The following PCDH15 variants were observed in gnomAD, a reference collection of about 807,000 sequenced individuals.
PCDH15 encodes protocadherin related 15.
Under a neutral mutation model 178.5 loss-of-function variants are expected in PCDH15, and 129 were observed. That is an observed-to-expected ratio of 0.72 (90% confidence interval 0.63 to 0.84). PCDH15 has a LOEUF of 0.84. Ranked by LOEUF, PCDH15 falls within the 40% of genes least tolerant of loss-of-function variation. The probability of loss-of-function intolerance (pLI) is 0.00; values close to 1 mark genes in which losing one functional copy is unlikely to be tolerated. For missense variants in PCDH15, 2,230 were observed against 2,099.9 expected (o/e 1.06, Z -1.21); for synonymous variants, 800 against 732.0 (o/e 1.09, Z -1.50).
At chr10:54,370,164 C>T (rs768394642) in intron 4 of PCDH15, among the ~76,000 whole-genome samples, 6 of 151,922 alleles carry the variant, frequency 3.9e-5, no homozygotes, top group Non-Finnish European at 5.9e-5. Flanking sequence ...CTGGAATGCA[C>T]ACCTACAAAT....
intron 2 of PCDH15, among the ~76,000 whole-genome samples, chr10:54,948,156 C>G (rs1458240955): frequency 6.6e-6 from 1 of 151,840 alleles, no homozygotes; most frequent in Non-Finnish European, 1.5e-5. Context: ...GTAGCATATG[C>G]AAGTTGATTT....
At chr10:54,359,212 T>C (rs575104149) in intron 5 of PCDH15, among the ~76,000 whole-genome samples, 1 of 152,106 alleles carries the variant, frequency 6.6e-6, no homozygotes, top group East Asian at 1.9e-4. Flanking sequence ...TTTGGTTCTC[T>C]ATATATGTAC....
chr10:55,435,549 C>A (rs1296554113), intron 2 of PCDH15, among the ~76,000 whole-genome samples: 10 of 152,046 alleles, frequency 6.6e-5, no homozygotes, highest in Admixed American at 6.6e-4. Context: ...CCACAAAACA[C>A]AGATCAGGGA....
At chr10:53,891,860 T>G (rs1294300307) in intron 26 of PCDH15, among the ~76,000 whole-genome samples, 2 of 151,750 alleles carry the variant, frequency 1.3e-5, no homozygotes, top group South Asian at 2.1e-4. Flanking sequence ...TCCCAGCTAC[T>G]TGGGATGCTG....
chr10:54,254,796 T>C (rs1218056312), intron 8 of PCDH15, among the ~76,000 whole-genome samples: 3 of 152,224 alleles, frequency 2.0e-5, no homozygotes, highest in Non-Finnish European at 4.4e-5. Flanking sequence ...TGCTGATGCC[T>C]GTAAGGCACT....
chr10:54,686,893 T>C (rs1408586267), intron 1 of PCDH15, among the ~76,000 whole-genome samples: 2 of 152,014 alleles, frequency 1.3e-5, no homozygotes. Flanking sequence ...AAAGGTTTGA[T>C]CTCCAAAATA....
intron 3 of PCDH15, among the ~76,000 whole-genome samples, chr10:54,456,585 G>A (rs919319690): frequency 1.3e-5 from 2 of 152,132 alleles, no homozygotes; most frequent in Non-Finnish European, 2.9e-5. Flanking sequence ...TTGAACTTTC[G>A]AGTACATGCT....
At chr10:54,632,664 T>A (rs181784557) in intron 2 of PCDH15, among the ~76,000 whole-genome samples, 4 of 152,232 alleles carry the variant, frequency 2.6e-5, no homozygotes, top group African/African-American at 9.6e-5. Flanking sequence ...GTTTCAAGAA[T>A]AAGGGGACAC....
intron 2 of PCDH15, among the ~76,000 whole-genome samples, chr10:54,955,214 A>G (rs1024763921): frequency 6.6e-6 from 1 of 151,340 alleles, no homozygotes; most frequent in Non-Finnish European, 1.5e-5. Context: ...AGGCCAAAAC[A>G]TACAGGTACA....
chr10:55,602,673 G>T (rs937928042), intron 2 of PCDH15, among the ~76,000 whole-genome samples: 1 of 152,064 alleles, frequency 6.6e-6, no homozygotes, highest in African/African-American at 2.4e-5. Flanking sequence ...CTGCAGCTGA[G>T]GGTCCTGTCT....
At chr10:54,628,682 C>A (rs1421982167) in intron 2 of PCDH15, among the ~76,000 whole-genome samples, 1 of 151,994 alleles carries the variant, frequency 6.6e-6, no homozygotes, top group Non-Finnish European at 1.5e-5. Flanking sequence ...CCCTTGATGC[C>A]TCTCATGTGT....
intron 2 of PCDH15, among the ~76,000 whole-genome samples, chr10:55,090,820 A>G (rs1564789781): frequency 2.0e-5 from 3 of 152,066 alleles, no homozygotes; most frequent in Non-Finnish European, 4.4e-5. Flanking sequence ...ACTGCATTTT[A>G]TATCCTTTTC....
chr10:54,403,150 T>C (rs1256432515), intron 3 of PCDH15, among the ~76,000 whole-genome samples: 1 of 151,862 alleles, frequency 6.6e-6, no homozygotes, highest in African/African-American at 2.4e-5. Context: ...GAATAGAAGA[T>C]CAAACAAGAC....
At chr10:54,694,040 C>T (rs1200999030) in intron 1 of PCDH15, among the ~76,000 whole-genome samples, 1 of 151,950 alleles carries the variant, frequency 6.6e-6, no homozygotes, top group Non-Finnish European at 1.5e-5. Flanking sequence ...AGTTGTCTCA[C>T]CTATAAAATT....
rs145232597 is a variant in PCDH15, at chr10:55,338,083, T to C, written c.-155-171432A>G. ...TCAACATTAATAATCATTAGAGAAA[T>C]GCAAATCAGATTACAATGAGATATC... On this transcript the variant is annotated intron_variant, in intron 2 of 5. Coordinates refer to the PCDH15 transcript ENST00000613346. Among the ~76,000 whole-genome samples the C allele has an allele frequency of 5.6e-3, 846 of 152,164 alleles. 10 individuals carry two copies. The highest frequency in any genetic ancestry group is 0.019 in the African/African-American group (807 of 41,506).
chr10:54,242,133 T>C (rs1398689667), intron 8 of PCDH15, among the ~76,000 whole-genome samples: 1 of 3,090 alleles, frequency 3.2e-4, no homozygotes, highest in Admixed American at 3.8e-3. Context: ...TCTATTTTTA[T>C]ATATATATAT....
At chr10:54,876,888 T>C (rs190312032) in intron 3 of PCDH15, among the ~76,000 whole-genome samples, 128 of 152,316 alleles carry the variant, frequency 8.4e-4, no homozygotes, top group African/African-American at 3.0e-3. Context: ...TTTGAGAGGA[T>C]TGACTAATTT....
At chr10:55,227,939 C>A (rs904549433) in intron 1 of PCDH15, among the ~76,000 whole-genome samples, 6 of 152,012 alleles carry the variant, frequency 3.9e-5, no homozygotes, top group Non-Finnish European at 8.8e-5. Flanking sequence ...CCCCCCATCC[C>A]CAACTCCCCT....
At chr10:55,072,771 C>T (rs1328658187) in intron 2 of PCDH15, among the ~76,000 whole-genome samples, 1 of 151,792 alleles carries the variant, frequency 6.6e-6, no homozygotes, top group East Asian at 1.9e-4. Context: ...ATCCTGATAC[C>T]AAAGCCGGGC....
Sources: gnomAD v4.1 joint callset for allele counts (sites outside exome capture counted in the v4.1 genomes callset) on GRCh38, gnomAD v4.1.1 for gene constraint, MANE v1.5 for transcripts, NCBI Gene and HGNC (gene_info 2026-07-23, HGNC 2026-07-21) for gene names.